Variants in PLXNA2 observed in about 807,000 individuals in gnomAD.
PLXNA2 encodes plexin A2.
A neutral mutation model predicts 193.5 loss-of-function variants in PLXNA2; 91 were observed. That is an observed-to-expected ratio of 0.47 (90% confidence interval 0.40 to 0.56). The LOEUF (loss-of-function observed/expected upper bound fraction) is 0.56, where lower values mean the gene tolerates loss of function less well. Ranked by LOEUF, PLXNA2 falls within the 20% of genes least tolerant of loss-of-function variation. The pLI, the probability that PLXNA2 is intolerant of heterozygous loss-of-function variation, is 0.00. For missense variants in PLXNA2, 1,995 were observed against 2,503.2 expected (o/e 0.80, Z 4.33); for synonymous variants, 997 against 1,027.3 (o/e 0.97, Z 0.56).
In PLXNA2 at chr1:208,030,552, A is replaced by G. The variant is rs1664469727; in HGVS notation, c.5225+1038T>C. On this transcript the variant is annotated intron_variant, in intron 29 of 31. Transcript: ENST00000367033. ...TGTTCGTTTCACTCCACTGTGATCA[A>G]AGCTGCAGACTGAGGAAGGCTCAGC... 2 of 985,310 alleles carry G rather than the reference A, an allele frequency of 2.0e-6. 1 individual carries two copies. The highest frequency in any genetic ancestry group is 9.4e-5 in the South Asian group (2 of 21,288). 61.0% of individuals were successfully genotyped at this position (985,310 alleles called of 1,614,324 possible).
intron 3 of PLXNA2, among the ~76,000 whole-genome samples, chr1:208,177,607 G>A (rs4406633): frequency 0.36 from 54,977 of 152,094 alleles, 10,132 homozygotes; most frequent in Middle Eastern, 0.41. Context: ...GTGACCTCAA[G>A]GGATCGCAGA....
chr1:208,044,716 C>G lies in PLXNA2; in HGVS notation c.3666G>C (p.Ser1222=). The G allele has an allele frequency of 2.5e-6, 4 of 1,613,944 alleles. No individual in the cohort carries two copies. Among genetic ancestry groups the G allele is most frequent in the Non-Finnish European group, 3.4e-6 (4 of 1,179,984 alleles). Residue 1222 remains serine, a synonymous_variant, in exon 20 of 32, where the codon TCG becomes TCC. Coordinates refer to ENST00000367033, the MANE Select transcript of PLXNA2 (RefSeq NM_025179.4). The surrounding 1 kb of genome is among the most constrained non-coding windows in gnomAD (Gnocchi z 4.9). ...CTGAGATGACACTCACCGAGCCAGG[C>G]GAGAACACCATCCCGCCCACGTGAA... ...VMVHVGGMVF[S]PGSVSVISDS... is the part of the protein sequence containing the mutation.
chr1:208,036,398 C>A (rs1166450195), intron 26 of PLXNA2, among the ~76,000 whole-genome samples: 1 of 152,212 alleles, frequency 6.6e-6, no homozygotes. Context: ...TCTTAACCAA[C>A]AGGTGGTGCA....
At chr1:208,190,823 T>C (rs1269922117) in intron 3 of PLXNA2, among the ~76,000 whole-genome samples, 1 of 152,226 alleles carries the variant, frequency 6.6e-6, no homozygotes, top group Non-Finnish European at 1.5e-5. Context: ...TCATTGTTTT[T>C]GAATGAGTGA....
intron 3 of PLXNA2, among the ~76,000 whole-genome samples, chr1:208,187,011 G>A (rs946073155): frequency 1.3e-5 from 2 of 152,128 alleles, no homozygotes; most frequent in East Asian, 1.9e-4. Flanking sequence ...GTGAGCCACC[G>A]CGCCCGGCCT....
At chr1:208,080,536 T>C (rs1331370136) in intron 11 of PLXNA2, among the ~76,000 whole-genome samples, 2 of 152,204 alleles carry the variant, frequency 1.3e-5, no homozygotes, top group East Asian at 3.8e-4. Flanking sequence ...ATGCCGTTGC[T>C]GAAAGTGAGA....
intron 1 of PLXNA2, among the ~76,000 whole-genome samples, chr1:208,233,449 C>T (rs71635176): frequency 0.19 from 28,636 of 152,218 alleles, 3,003 homozygotes; most frequent in Non-Finnish European, 0.24. Context: ...TTCTTCCTGG[C>T]CCCCAGGGAC....
At position 208,024,010 on chromosome 1, in the gene PLXNA2, C is replaced by T. The variant is rs1664267140; in HGVS notation, c.*3233G>A. The T allele has an allele frequency of 6.6e-6, 1 of 152,402 alleles. No individual in the cohort carries two copies. The highest frequency in any genetic ancestry group is 2.4e-5 in the African/African-American group (1 of 41,444). The allele number at this position is 152,402 out of a possible 1,614,324, so 9.4% of individuals were successfully genotyped here. A position where few individuals can be genotyped will look rare whatever the true frequency, so the allele number is the denominator to read the frequency against. The stretch of plus-strand genomic sequence containing the variant: ...AGGTAGGACAGCAAGCACAGAAGCA[C>T]CTGACCCCATGCAGAGGACGGGAGG... On this transcript the variant is annotated 3_prime_UTR_variant, in exon 32 of 32. Transcript: ENST00000367033.
At chr1:208,240,612 A>G (rs1039747323) in intron 1 of PLXNA2, among the ~76,000 whole-genome samples, 15 of 151,878 alleles carry the variant, frequency 9.9e-5, no homozygotes, top group African/African-American at 3.6e-4. Flanking sequence ...GGCGGTGGTG[A>G]TTGGGGCTGA....
chr1:208,029,429 C>T (rs530132690), intron 29 of PLXNA2: 86 of 1,028,222 alleles, frequency 8.4e-5, no homozygotes, highest in South Asian at 6.1e-4. Flanking sequence ...TCACAGTGCC[C>T]GTGGCCATTG....
intron 26 of PLXNA2, among the ~76,000 whole-genome samples, chr1:208,035,938 C>CA (rs1273802784): frequency 1.3e-5 from 2 of 152,208 alleles, no homozygotes; most frequent in Non-Finnish European, 2.9e-5. Context: ...AGTTTTTTAA[C>CA]ATCTCTTTGT....
intron 4 of PLXNA2, among the ~76,000 whole-genome samples, chr1:208,112,708 T>C (rs1272285647): frequency 1.3e-5 from 2 of 152,152 alleles, no homozygotes; most frequent in African/African-American, 4.8e-5. Context: ...GTCTGCCCTT[T>C]TGCATGAAGA....
At chr1:208,093,026 G>A in intron 8 of PLXNA2, 126 bp from the exon 9 acceptor site, 1 of 611,104 alleles carries the variant, frequency 1.6e-6, no homozygotes, top group South Asian at 2.2e-5. Context: ...GAAGACTGGT[G>A]GGCCATCCTC....
intron 4 of PLXNA2, among the ~76,000 whole-genome samples, chr1:208,108,804 A>G (rs897458061): frequency 2.6e-5 from 4 of 152,242 alleles, no homozygotes; most frequent in Non-Finnish European, 5.9e-5. Context: ...ATGCCACAAT[A>G]GAAGTAGAAC....
chr1:208,219,131 T>C (rs1383443587), intron 1 of PLXNA2, among the ~76,000 whole-genome samples: 1 of 152,218 alleles, frequency 6.6e-6, no homozygotes, highest in Non-Finnish European at 1.5e-5. Context: ...CTCTTCCCCC[T>C]GCCTCCTGAC....
At chr1:208,106,002 C>A (rs1381405692) in intron 4 of PLXNA2, among the ~76,000 whole-genome samples, 1 of 152,056 alleles carries the variant, frequency 6.6e-6, no homozygotes, top group Non-Finnish European at 1.5e-5. Flanking sequence ...ATAGTGAAAC[C>A]CTGTTCTTCT....
chr1:208,065,537 T>C (rs1359364595), intron 12 of PLXNA2, among the ~76,000 whole-genome samples: 1 of 152,208 alleles, frequency 6.6e-6, no homozygotes, highest in Non-Finnish European at 1.5e-5. Context: ...TCCCTGTGTT[T>C]CCCTGCACCT....
chr1:208,237,904 G>A (rs1671918873), intron 1 of PLXNA2, among the ~76,000 whole-genome samples: 1 of 152,182 alleles, frequency 6.6e-6, no homozygotes, highest in Non-Finnish European at 1.5e-5. Flanking sequence ...TTAGGAGGGA[G>A]CTACCACATT....
At chr1:208,042,038 A>G in intron 22 of PLXNA2, 60 bp downstream of exon 22, 2 of 1,554,602 alleles carry the variant, frequency 1.3e-6, no homozygotes, top group Non-Finnish European at 1.7e-6. Flanking sequence ...TGCTATAATG[A>G]GGTGCTCTGT....
Sources: allele counts gnomAD v4.1 joint callset (sites outside exome capture counted in the v4.1 genomes callset), GRCh38; gene constraint gnomAD v4.1.1; non-coding constraint Gnocchi (gnomAD v3.1); transcripts MANE v1.5; gene names NCBI Gene and HGNC (gene_info 2026-07-23, HGNC 2026-07-21).